Variants in DEPTOR observed in about 807,000 individuals in gnomAD.
DEPTOR encodes the protein DEP domain-containing mTOR-interacting protein.
Under a neutral mutation model 41.6 loss-of-function variants are expected in DEPTOR, and 41 were observed. The observed-to-expected ratio is 0.98, with a 90% CI of 0.77 to 1.28. The LOEUF (loss-of-function observed/expected upper bound fraction) is 1.28, where lower values mean the gene tolerates loss of function less well. Ranked by LOEUF, DEPTOR falls within the 50% of genes most tolerant of loss-of-function variation. DEPTOR has a pLI of 0.00. For synonymous variants in DEPTOR, 195 were observed against 192.3 expected (o/e 1.01, Z -0.12); for missense variants, 514 against 527.9 (o/e 0.97, Z 0.26).
chr8:119,977,813 T>C (rs1349248433), intron 4 of DEPTOR, among the ~76,000 whole-genome samples: 1 of 151,708 alleles, frequency 6.6e-6, no homozygotes, highest in East Asian at 1.9e-4. Flanking sequence ...AGACGAGAGG[T>C]TTCTTTCTCT....
chr8:119,943,244 C>T (rs138408601), intron 3 of DEPTOR, among the ~76,000 whole-genome samples: 1 of 152,274 alleles, frequency 6.6e-6, no homozygotes, highest in African/African-American at 2.4e-5. Context: ...CATTGAAGGC[C>T]ACTGTATTAG....
intron 3 of DEPTOR, among the ~76,000 whole-genome samples, chr8:119,939,991 G>A (rs1828181166): frequency 6.6e-6 from 1 of 151,962 alleles, no homozygotes; most frequent in Admixed American, 6.6e-5. Flanking sequence ...GCCGAGGCAG[G>A]CAGATCACCT....
intron 8 of DEPTOR, among the ~76,000 whole-genome samples, chr8:120,026,618 C>T (rs1482651674): frequency 1.3e-5 from 2 of 152,088 alleles, no homozygotes; most frequent in Non-Finnish European, 1.5e-5. Context: ...GCTGAGATTA[C>T]AGGCATGAGT....
chr8:120,022,964 G>A (rs1389784275), intron 8 of DEPTOR, among the ~76,000 whole-genome samples: 1 of 152,172 alleles, frequency 6.6e-6, no homozygotes, highest in Non-Finnish European at 1.5e-5. Context: ...ATCCATGACA[G>A]TATCGGTCAG....
chr8:119,975,870 CTTTTTTTTTT>C (rs34482727), intron 4 of DEPTOR, among the ~76,000 whole-genome samples: 2 of 65,268 alleles, frequency 3.1e-5, no homozygotes, highest in African/African-American at 1.3e-4. Flanking sequence ...ATGCTTGCTC[CTTTTTTTTTT>C]TTTTTTTTTT....
intron 8 of DEPTOR, among the ~76,000 whole-genome samples, chr8:120,048,032 CA>C (rs34841127): frequency 0.36 from 48,768 of 136,768 alleles, 8,713 homozygotes; most frequent in East Asian, 0.56. Flanking sequence ...GACTCCATGT[CA>C]AAAAAAAAAA....
In DEPTOR at chr8:120,022,031, C is replaced by T. The variant is rs775018222; in HGVS notation, c.1101+12898C>T. ...GGCACGTAGTCAGCCACTACTGGCA[C>T]GTAGTAGTCCCAGCTACCTGGGAGG... On this transcript the variant is annotated intron_variant, in intron 8 of 8. Transcript: ENST00000286234. Among the ~76,000 whole-genome samples the T allele has an allele frequency of 7.0e-4, 106 of 151,898 alleles. 3 individuals carry two copies. The highest frequency in any genetic ancestry group is 5.8e-4 in the East Asian group (3 of 5,150).
intron 4 of DEPTOR, among the ~76,000 whole-genome samples, chr8:119,991,016 C>T (rs1336540454): frequency 8.8e-6 from 1 of 114,030 alleles, no homozygotes; most frequent in Non-Finnish European, 1.9e-5. Context: ...GCCTTAAGTA[C>T]AGCTCGGGTT....
intron 3 of DEPTOR, among the ~76,000 whole-genome samples, chr8:119,934,063 T>C (rs1002498420): frequency 7.2e-5 from 11 of 152,212 alleles, no homozygotes; most frequent in African/African-American, 1.2e-4. Context: ...GTATTTTTAA[T>C]AGAGATGGGG....
At chr8:119,904,670 A>G (rs1827639163) in intron 1 of DEPTOR, among the ~76,000 whole-genome samples, 1 of 150,364 alleles carries the variant, frequency 6.7e-6, no homozygotes, top group South Asian at 2.1e-4. Flanking sequence ...TAATTTTTGT[A>G]TTTTCAGTAG....
rs1048462918 is a variant in DEPTOR, at chr8:119,873,838, C to T, written c.-9C>T. On this transcript the variant is annotated 5_prime_UTR_variant, in exon 1 of 9. Coordinates refer to ENST00000286234, the MANE Select transcript of DEPTOR (RefSeq NM_022783.4). ...GCGGAGCCAGTGGTAGCCGCACGGC[C>T]CTAAAACCATGGAGGAGGGCGGCAG... The T allele has an allele frequency of 3.1e-6, 5 of 1,612,420 alleles. No individual in the cohort carries two copies. In the Admixed American group the frequency reaches 5.0e-5, roughly 16 times the overall value.
intron 8 of DEPTOR, among the ~76,000 whole-genome samples, chr8:120,020,542 C>T (rs1411415261): frequency 6.6e-6 from 1 of 152,138 alleles, no homozygotes; most frequent in Non-Finnish European, 1.5e-5. Flanking sequence ...CACCTGGCCT[C>T]CTTCTCATTC....
At chr8:120,005,713 C>T (rs571091566) in intron 6 of DEPTOR, among the ~76,000 whole-genome samples, 96 of 152,274 alleles carry the variant, frequency 6.3e-4, no homozygotes, top group Non-Finnish European at 1.3e-3. Flanking sequence ...GGGGAGGATA[C>T]GACAGCCCCT....
chr8:119,915,029 C>A (rs1453481706), intron 1 of DEPTOR, among the ~76,000 whole-genome samples: 1 of 152,126 alleles, frequency 6.6e-6, no homozygotes, highest in African/African-American at 2.4e-5. Flanking sequence ...GGCAGTGGCA[C>A]AATCTCAGCT....
intron 8 of DEPTOR, among the ~76,000 whole-genome samples, chr8:120,042,376 A>G (rs923560054): frequency 6.6e-6 from 1 of 152,198 alleles, no homozygotes; most frequent in African/African-American, 2.4e-5. Flanking sequence ...TTATAACTGA[A>G]TATGTTACAT....
At chr8:119,950,495 AG>A (rs1828338280) in intron 3 of DEPTOR, among the ~76,000 whole-genome samples, 1 of 152,136 alleles carries the variant, frequency 6.6e-6, no homozygotes, top group Non-Finnish European at 1.5e-5. Context: ...AGCTCACTGC[AG>A]CCTTCACCTC....
intron 6 of DEPTOR, among the ~76,000 whole-genome samples, chr8:120,004,287 A>T (rs7820945): frequency 6.6e-6 from 1 of 152,076 alleles, no homozygotes; most frequent in Non-Finnish European, 1.5e-5. Flanking sequence ...GAGTGTTAGC[A>T]GCAGGAATAA....
At chr8:120,026,397 C>T (rs1305837132) in intron 8 of DEPTOR, among the ~76,000 whole-genome samples, 3 of 151,604 alleles carry the variant, frequency 2.0e-5, no homozygotes, top group Non-Finnish European at 2.9e-5. Flanking sequence ...GGCTGGAGTG[C>T]AATAGTGTGA....
At chr8:119,896,286 T>G (rs1349921276) in intron 1 of DEPTOR, among the ~76,000 whole-genome samples, 3 of 152,166 alleles carry the variant, frequency 2.0e-5, no homozygotes, top group Admixed American at 2.0e-4. Context: ...TTAGAAAGAT[T>G]AAGAAACTTG....
Sources: allele counts gnomAD v4.1 joint callset (sites outside exome capture counted in the v4.1 genomes callset), GRCh38; gene constraint gnomAD v4.1.1; transcripts MANE v1.5; gene names NCBI Gene and HGNC (gene_info 2026-07-23, HGNC 2026-07-21).